Variants in ELMO1 observed in about 807,000 individuals in gnomAD.
ELMO1 encodes engulfment and cell motility 1, also known as engulfment and cell motility protein 1.
In ELMO1, 26 loss-of-function variants were observed where a neutral mutation model predicts 98.9. That is an observed-to-expected ratio of 0.26 (90% confidence interval 0.19 to 0.36). ELMO1 has a LOEUF of 0.36. ELMO1 is among the 10% of genes least tolerant of loss of function. ELMO1 has a pLI of 1.00. For synonymous variants in ELMO1, 346 were observed against 346.0 expected (o/e 1.00, Z 0.00); for missense variants, 627 against 935.2 (o/e 0.67, Z 4.30).
intron 8 of ELMO1, among the ~76,000 whole-genome samples, chr7:37,232,537 C>T (rs777614941): frequency 9.9e-5 from 15 of 152,198 alleles, no homozygotes; most frequent in Non-Finnish European, 1.9e-4. Flanking sequence ...GCACCAGGTC[C>T]ATCTTCATTT....
At chr7:37,285,087 C>T (rs1261869210) in intron 4 of ELMO1, among the ~76,000 whole-genome samples, 1 of 152,174 alleles carries the variant, frequency 6.6e-6, no homozygotes, top group Non-Finnish European at 1.5e-5. Flanking sequence ...TGCTGCACAG[C>T]CAGCTGGCCA....
At chr7:37,103,689 A>C (rs941629942) in intron 14 of ELMO1, among the ~76,000 whole-genome samples, 2 of 152,058 alleles carry the variant, frequency 1.3e-5, no homozygotes, top group Non-Finnish European at 2.9e-5. Context: ...AAAAATATTA[A>C]ATAAAAAAAA....
intron 13 of ELMO1, among the ~76,000 whole-genome samples, chr7:37,183,405 G>A (rs1029061628): frequency 4.6e-5 from 7 of 152,202 alleles, no homozygotes; most frequent in African/African-American, 1.7e-4. Flanking sequence ...CAATAAGGAT[G>A]TGACAATGAG....
At chr7:37,007,472 C>T (rs1318847576) in intron 16 of ELMO1, among the ~76,000 whole-genome samples, 1 of 152,222 alleles carries the variant, frequency 6.6e-6, no homozygotes, top group Non-Finnish European at 1.5e-5. Flanking sequence ...TCACCTGCCT[C>T]ACGCAAATGA....
intron 14 of ELMO1, among the ~76,000 whole-genome samples, chr7:37,120,099 T>C (rs1000015939): frequency 2.6e-5 from 4 of 152,242 alleles, no homozygotes; most frequent in African/African-American, 7.2e-5. Context: ...AACAGCTTTG[T>C]TGAGTAGGAT....
At chr7:37,316,542 C>T (rs1431799999) in intron 2 of ELMO1, among the ~76,000 whole-genome samples, 8 of 152,142 alleles carry the variant, frequency 5.3e-5, no homozygotes, top group Non-Finnish European at 8.8e-5. Flanking sequence ...CACCATGTGC[C>T]CTGGTGTCAA....
chr7:37,276,917 G>A (rs1456839711), intron 4 of ELMO1, among the ~76,000 whole-genome samples: 1 of 152,182 alleles, frequency 6.6e-6, no homozygotes. Context: ...AGCCCTCGGA[G>A]CATCAATAAG....
intron 8 of ELMO1, among the ~76,000 whole-genome samples, chr7:37,226,146 T>G (rs181696596): frequency 6.6e-6 from 1 of 152,210 alleles, no homozygotes; most frequent in Non-Finnish European, 1.5e-5. Flanking sequence ...ATACCAACAC[T>G]CTGCCTACCC....
At chr7:37,401,757 T>C (rs1380290477) in intron 1 of ELMO1, among the ~76,000 whole-genome samples, 2 of 152,042 alleles carry the variant, frequency 1.3e-5, no homozygotes, top group African/African-American at 4.8e-5. Context: ...TCCTAGTAGG[T>C]CCCTCGCATG....
chr7:37,168,814 C>G (rs1194731082), intron 13 of ELMO1, among the ~76,000 whole-genome samples: 3 of 152,218 alleles, frequency 2.0e-5, no homozygotes, highest in Admixed American at 1.3e-4. Context: ...AGGAGGCAGT[C>G]TGCCCATTCT....
chr7:37,438,494 G>A (rs868638159), intron 1 of ELMO1, among the ~76,000 whole-genome samples: 122 of 151,732 alleles, frequency 8.0e-4, no homozygotes, highest in African/African-American at 2.7e-3. Flanking sequence ...CAGCTACTTC[G>A]GAGGCTGGGG....
At chr7:37,184,996 T>C (rs1457690074) in intron 13 of ELMO1, among the ~76,000 whole-genome samples, 2 of 152,200 alleles carry the variant, frequency 1.3e-5, no homozygotes, top group Non-Finnish European at 2.9e-5. Context: ...AAATAGGAAG[T>C]CATAATTTAT....
intron 15 of ELMO1, among the ~76,000 whole-genome samples, chr7:37,081,976 C>A (rs17170867): frequency 6.6e-6 from 1 of 152,016 alleles, no homozygotes; most frequent in African/African-American, 2.4e-5. Context: ...AGGATTCTTA[C>A]GGACTCTGGT....
chr7:37,171,483 A>ATTTTTTTTTTTTTTT, intron 13 of ELMO1, among the ~76,000 whole-genome samples: 1 of 82,914 alleles, frequency 1.2e-5, no homozygotes, highest in Non-Finnish European at 2.2e-5. Context: ...AGGCCTTTCT[A>ATTTTTTTTTTTTTTT]TTTTTTTTTT....
intron 1 of ELMO1, among the ~76,000 whole-genome samples, chr7:37,436,292 G>A (rs1057047934): frequency 1.3e-5 from 2 of 152,106 alleles, no homozygotes; most frequent in African/African-American, 4.8e-5. Context: ...GCTACACAGC[G>A]GACACTGTAG....
intron 2 of ELMO1, among the ~76,000 whole-genome samples, chr7:37,336,460 T>C (rs1042753213): frequency 2.6e-5 from 4 of 152,186 alleles, no homozygotes; most frequent in Non-Finnish European, 5.9e-5. Flanking sequence ...ACTGTTGTTA[T>C]GTATGTAGGC....
At chr7:37,139,448 T>C (rs879405231) in intron 13 of ELMO1, among the ~76,000 whole-genome samples, 4 of 152,062 alleles carry the variant, frequency 2.6e-5, no homozygotes, top group Non-Finnish European at 5.9e-5. Context: ...GAAAATCAAA[T>C]CACTCAACCT....
chr7:37,185,993 A>T (rs1791180438), intron 13 of ELMO1, among the ~76,000 whole-genome samples: 1 of 152,210 alleles, frequency 6.6e-6, no homozygotes. Flanking sequence ...GAAATTCAAG[A>T]CACCCTCCAT....
chr7:37,440,503 G>A (rs1169112137), intron 1 of ELMO1, among the ~76,000 whole-genome samples: 14 of 151,642 alleles, frequency 9.2e-5, no homozygotes, highest in Non-Finnish European at 1.8e-4. Flanking sequence ...GGGTGTGGTG[G>A]CTCACACCTG....
Sources: gnomAD v4.1 joint callset for allele counts (sites outside exome capture counted in the v4.1 genomes callset) on GRCh38, gnomAD v4.1.1 for gene constraint, MANE v1.5 for transcripts, NCBI Gene and HGNC (gene_info 2026-07-23, HGNC 2026-07-21) for gene names.